Variants in IQCM observed in about 807,000 individuals in gnomAD.
IQCM encodes the protein IQ motif containing M, also known as IQ domain-containing protein M.
Under a neutral mutation model 57.6 loss-of-function variants are expected in IQCM, and 45 were observed. The observed-to-expected ratio is 0.78, with a 90% CI of 0.62 to 1.00. The LOEUF is 1.00. Ranked by LOEUF, IQCM falls within the 50% of genes least tolerant of loss-of-function variation. The pLI, the probability that IQCM is intolerant of heterozygous loss-of-function variation, is 0.00. For missense variants in IQCM, 468 were observed against 511.6 expected (o/e 0.91, Z 0.82); for synonymous variants, 148 against 158.9 (o/e 0.93, Z 0.51).
At chr4:149,597,275 CAGAA>C (rs1180851132) in intron 8 of IQCM, among the ~76,000 whole-genome samples, 1 of 152,022 alleles carries the variant, frequency 6.6e-6, no homozygotes, top group East Asian at 1.9e-4. Flanking sequence ...AGCAGTGAGA[CAGAA>C]AGAGATGGCA....
In IQCM at chr4:149,586,849, CATT is replaced by C. The variant is rs1334519609; in HGVS notation, c.749+1078_749+1080del. Among the ~76,000 whole-genome samples the C allele has an allele frequency of 2.0e-5, 3 of 151,604 alleles. No homozygotes were observed. The Admixed American group carries it at 2.0e-4, about 10-fold the overall frequency. On this transcript the variant is annotated intron_variant, in intron 9 of 13. Transcript: ENST00000636793. ...ACATTTATAGTAACTGCTTTAAAGC[CATT>C]ATCTGCTAATTCCAACATCCATAGA...
intron 5 of IQCM, among the ~76,000 whole-genome samples, chr4:149,722,001 T>A (rs2149856927): frequency 6.6e-6 from 1 of 152,302 alleles, no homozygotes; most frequent in East Asian, 1.9e-4. Flanking sequence ...TATGGTAATG[T>A]GGTACCTCAT....
At chr4:149,514,542 T>TTG (rs1222572420) in intron 12 of IQCM, 1 of 152,234 alleles carries the variant, frequency 6.6e-6, no homozygotes, top group Non-Finnish European at 1.5e-5. Context: ...GTGTTTATCA[T>TTG]ATCAATGATA....
At position 149,661,291 on chromosome 4, in the gene IQCM, A is replaced by G. The variant is rs566436457; in HGVS notation, c.565+20827T>C. ...TTTGCATATGTTGAACTATCCTTGC[A>G]TGCCTGGGATAAATCCCACTTGATC... On this transcript the variant is annotated intron_variant, in intron 7 of 13. Coordinates refer to ENST00000636793, the MANE Select transcript of IQCM (RefSeq NM_001363507.2). Among the ~76,000 whole-genome samples, 46 of 152,316 alleles carry G rather than the reference A, an allele frequency of 3.0e-4. No homozygotes were observed. In the Middle Eastern group the frequency reaches 0.014, roughly 45 times the overall value.
intron 9 of IQCM, among the ~76,000 whole-genome samples, chr4:149,579,775 G>C (rs1579565385): frequency 6.6e-6 from 1 of 151,824 alleles, no homozygotes; most frequent in African/African-American, 2.4e-5. Flanking sequence ...GTATATGAGG[G>C]AGTTTGGAGA....
intron 12 of IQCM, among the ~76,000 whole-genome samples, chr4:149,547,079 T>C (rs1177096248): frequency 6.6e-6 from 1 of 152,200 alleles, no homozygotes; most frequent in African/African-American, 2.4e-5. Flanking sequence ...AAATAGGGAA[T>C]CCTTTCCCCA....
rs569233496 is a variant in IQCM, at chr4:149,574,284, T to G, written c.750-10394A>C. On this transcript the variant is annotated intron_variant, in intron 9 of 13. Transcript: ENST00000636793. ...CATAGAATTTTGATATGGAGCAAAT[T>G]GTCATTTTTACAGACATTTTTAGCC... Among the ~76,000 whole-genome samples, 74 of 152,086 alleles carry G rather than the reference T, an allele frequency of 4.9e-4. 1 individual carries two copies. In the South Asian group the frequency reaches 0.015, roughly 32 times the overall value.
intron 13 of IQCM, among the ~76,000 whole-genome samples, chr4:149,360,383 T>C (rs1220857715): frequency 6.6e-6 from 1 of 152,168 alleles, no homozygotes; most frequent in African/African-American, 2.4e-5. Context: ...CATATGCAAA[T>C]ACTACATCAT....
At chr4:149,593,965 G>A (rs1753491730) in intron 8 of IQCM, among the ~76,000 whole-genome samples, 1 of 152,136 alleles carries the variant, frequency 6.6e-6, no homozygotes, top group South Asian at 2.1e-4. Context: ...GATGATGCTG[G>A]CCTCATCAAA....
intron 2 of IQCM, among the ~76,000 whole-genome samples, chr4:149,814,879 G>T (rs1359544814): frequency 6.6e-6 from 1 of 151,928 alleles, no homozygotes; most frequent in African/African-American, 2.4e-5. Context: ...GCCACATTCA[G>T]TCTTCCAATT....
chr4:149,746,231 A>G (rs1309218691), intron 2 of IQCM, among the ~76,000 whole-genome samples: 1 of 151,924 alleles, frequency 6.6e-6, no homozygotes, highest in Admixed American at 6.6e-5. Flanking sequence ...ACCCTTCCCC[A>G]TTTCTCTGTC....
At chr4:149,394,935 G>A (rs976585142) in intron 13 of IQCM, among the ~76,000 whole-genome samples, 2 of 151,932 alleles carry the variant, frequency 1.3e-5, no homozygotes, top group Non-Finnish European at 2.9e-5. Context: ...ACTGCCATGA[G>A]GTCATATCAC....
intron 9 of IQCM, among the ~76,000 whole-genome samples, chr4:149,565,360 A>G (rs1357877751): frequency 6.6e-6 from 1 of 151,992 alleles, no homozygotes; most frequent in Non-Finnish European, 1.5e-5. Flanking sequence ...TTGGTAACTG[A>G]AATGTGGAGT....
At chr4:149,752,923 C>T (rs144122634) in intron 2 of IQCM, among the ~76,000 whole-genome samples, 3 of 152,294 alleles carry the variant, frequency 2.0e-5, no homozygotes, top group East Asian at 3.9e-4. Flanking sequence ...CTTACCACCA[C>T]GCCCTAGCCA....
Position 149,471,004 on chromosome 4 carries a change from C to G in IQCM, c.1229-37447G>C, listed in dbSNP as rs529840568. Among the ~76,000 whole-genome samples, 55 of 152,224 alleles carry G rather than the reference C, an allele frequency of 3.6e-4. No individual in the cohort carries two copies. The South Asian group carries it at 0.011, about 31-fold the overall frequency. Reference sequence around the variant, plus strand: ...GGAAATTTATAGCACTAAATGCCCACAAGAGAAAGCAGGAAAGATCTAAAA... The same window carrying G: ...GGAAATTTATAGCACTAAATGCCCAGAAGAGAAAGCAGGAAAGATCTAAAA... On this transcript the variant is annotated intron_variant, in intron 12 of 13. Transcript: ENST00000636793.
At chr4:149,490,326 T>C (rs1350350881) in intron 12 of IQCM, among the ~76,000 whole-genome samples, 3 of 152,030 alleles carry the variant, frequency 2.0e-5, no homozygotes, top group Non-Finnish European at 4.4e-5. Flanking sequence ...ACAATGATCA[T>C]AACAACCATC....
chr4:149,363,063 C>G (rs1216682089), intron 13 of IQCM, among the ~76,000 whole-genome samples: 1 of 152,134 alleles, frequency 6.6e-6, no homozygotes, highest in East Asian at 1.9e-4. Context: ...GAGGAAGTCC[C>G]CAGTGAGAAA....
At chr4:149,409,977 A>G (rs1379550879) in intron 13 of IQCM, among the ~76,000 whole-genome samples, 1 of 152,178 alleles carries the variant, frequency 6.6e-6, no homozygotes, top group African/African-American at 2.4e-5. Context: ...CGAGATCAGG[A>G]GTTCAAGACC....
chr4:149,446,586 A>G (rs1173673176), intron 12 of IQCM, among the ~76,000 whole-genome samples: 1 of 151,724 alleles, frequency 6.6e-6, no homozygotes, highest in African/African-American at 2.4e-5. Flanking sequence ...TGTGAATTAC[A>G]TTTGGAAGCA....
Sources: allele counts gnomAD v4.1 joint callset (sites outside exome capture counted in the v4.1 genomes callset), GRCh38; gene constraint gnomAD v4.1.1; transcripts MANE v1.5; gene names NCBI Gene and HGNC (gene_info 2026-07-23, HGNC 2026-07-21).